The following CDH12 variants were observed in gnomAD, a reference collection of about 807,000 sequenced individuals.
CDH12 encodes cadherin 12, also known as cadherin-12.
CDH12 carries 41 observed loss-of-function variants against 74.1 expected under a neutral mutation model. The observed-to-expected ratio is 0.55, with a 90% CI of 0.43 to 0.72. The LOEUF (loss-of-function observed/expected upper bound fraction) is 0.72. Among genes scored for constraint, CDH12 ranks in the 30% least tolerant of loss-of-function variants. The pLI, the probability that CDH12 is intolerant of heterozygous loss-of-function variation, is 0.00. For synonymous variants in CDH12, 399 were observed against 355.0 expected, an observed-to-expected ratio of 1.12 and a Z score of -1.39; for missense variants, 945 against 977.2, an observed-to-expected ratio of 0.97 and a Z score of 0.44.
chr5:21,886,090 C>T (rs765195104), intron 6 of CDH12, among the ~76,000 whole-genome samples: 1 of 152,114 alleles, frequency 6.6e-6, no homozygotes, highest in Non-Finnish European at 1.5e-5. Flanking sequence ...TTCATTGCTC[C>T]ATTTACTTCT....
chr5:22,266,969 C>A (rs576720875), intron 3 of CDH12, among the ~76,000 whole-genome samples: 1 of 152,246 alleles, frequency 6.6e-6, no homozygotes, highest in Non-Finnish European at 1.5e-5. Flanking sequence ...CACTGTCCTG[C>A]ATTTTCCTTT....
intron 1 of CDH12, among the ~76,000 whole-genome samples, chr5:22,713,882 C>T (rs1743428740): frequency 6.6e-6 from 1 of 152,144 alleles, no homozygotes; most frequent in African/African-American, 2.4e-5. Flanking sequence ...AATGCTATTA[C>T]CAATGTATCA....
At chr5:22,020,453 C>T (rs999002913) in intron 5 of CDH12, among the ~76,000 whole-genome samples, 6 of 151,450 alleles carry the variant, frequency 4.0e-5, no homozygotes, top group African/African-American at 7.3e-5. Flanking sequence ...ACTCGGGGGG[C>T]TGAGGCAGGG....
chr5:21,842,094 C>G (rs963206646), intron 8 of CDH12, 67 bp downstream of exon 8: 2 of 1,147,196 alleles, frequency 1.7e-6, no homozygotes, highest in Non-Finnish European at 2.5e-6. Flanking sequence ...ATTCCCATAG[C>G]ATTCAATGAC....
At chr5:22,344,504 T>G (rs1740026862) in intron 3 of CDH12, among the ~76,000 whole-genome samples, 2 of 152,116 alleles carry the variant, frequency 1.3e-5, no homozygotes, top group African/African-American at 4.8e-5. Context: ...CAATGTATTT[T>G]GGGATTTGAA....
intron 5 of CDH12, among the ~76,000 whole-genome samples, chr5:21,991,335 C>G (rs1757740439): frequency 6.6e-6 from 1 of 151,572 alleles, no homozygotes. Context: ...CATTCTTTCT[C>G]ACAATGAACT....
intron 5 of CDH12, among the ~76,000 whole-genome samples, chr5:22,001,378 A>G (rs1412126663): frequency 6.6e-6 from 1 of 152,128 alleles, no homozygotes; most frequent in Non-Finnish European, 1.5e-5. Context: ...CCCAATTAAA[A>G]TGCTCACTCC....
chr5:22,825,275 T>C (rs1462754763), intron 1 of CDH12, among the ~76,000 whole-genome samples: 1 of 149,284 alleles, frequency 6.7e-6, no homozygotes, highest in African/African-American at 2.4e-5. Flanking sequence ...TACTTACACA[T>C]ATATAATTTT....
At chr5:21,814,088 G>A (rs554887194) in intron 9 of CDH12, among the ~76,000 whole-genome samples, 1 of 151,424 alleles carries the variant, frequency 6.6e-6, no homozygotes, top group East Asian at 2.0e-4. Context: ...CTTAGATAAT[G>A]AATTTCAGGC....
At chr5:21,822,631 AC>A (rs1748435482) in intron 8 of CDH12, among the ~76,000 whole-genome samples, 1 of 152,086 alleles carries the variant, frequency 6.6e-6, no homozygotes, top group Admixed American at 6.6e-5. Flanking sequence ...CTCAGTAATA[AC>A]AGAAACATCC....
At chr5:22,161,413 T>A (rs1435463566) in intron 4 of CDH12, among the ~76,000 whole-genome samples, 2 of 152,054 alleles carry the variant, frequency 1.3e-5, no homozygotes, top group African/African-American at 2.4e-5. Context: ...AAGAAAAATA[T>A]CTGGCTGGGC....
chr5:22,450,376 T>G lies in CDH12; in HGVS notation c.-427-45025A>C, dbSNP rs958648453. Reference sequence around the variant, plus strand: ...GAGAAATATGGATCCACCTCCTTTCTTCTAAAGTCTGTTTATTAAAAGTCT... The same window carrying G: ...GAGAAATATGGATCCACCTCCTTTCGTCTAAAGTCTGTTTATTAAAAGTCT... On this transcript the variant is annotated intron_variant, in intron 2 of 14. Coordinates refer to ENST00000382254, the MANE Select transcript of CDH12 (RefSeq NM_004061.5). 9.9e-5 allele frequency among the ~76,000 whole-genome samples: 15 copies of G among 152,072 alleles called. No homozygotes were observed. The South Asian group carries it at 1.2e-3, about 13-fold the overall frequency.
At chr5:22,252,174 A>T (rs1482354395) in intron 3 of CDH12, among the ~76,000 whole-genome samples, 1 of 152,066 alleles carries the variant, frequency 6.6e-6, no homozygotes, top group Non-Finnish European at 1.5e-5. Context: ...AACAAAATGA[A>T]ACAAAAAAAG....
rs562897688 is a variant in CDH12 at position 21,829,317 on chromosome 5, A to C, written c.815-12185T>G. On this transcript the variant is annotated intron_variant, in intron 8 of 14. Coordinates refer to ENST00000382254, the MANE Select transcript of CDH12 (RefSeq NM_004061.5). ...TTCCATTTCAAAATAAAAAACAAAA[A>C]CCAAAAACCAAAAGCAAAAACCACT... Among the ~76,000 whole-genome samples the C allele has an allele frequency of 3.3e-5, 5 of 152,108 alleles. No homozygotes were observed. In the East Asian group the frequency reaches 9.7e-4, roughly 29 times the overall value.
At chr5:21,984,276 G>T (rs1300000813) in intron 5 of CDH12, among the ~76,000 whole-genome samples, 1 of 152,096 alleles carries the variant, frequency 6.6e-6, no homozygotes, top group Non-Finnish European at 1.5e-5. Flanking sequence ...CTAATTCTTT[G>T]CAGGTTACCT....
intron 1 of CDH12, among the ~76,000 whole-genome samples, chr5:22,695,970 C>T (rs1457863422): frequency 6.6e-6 from 1 of 152,006 alleles, no homozygotes; most frequent in Non-Finnish European, 1.5e-5. Flanking sequence ...CAATCTTAAC[C>T]AACACTGGTT....
At chr5:22,691,378 G>T (rs1282538582) in intron 1 of CDH12, among the ~76,000 whole-genome samples, 1 of 152,146 alleles carries the variant, frequency 6.6e-6, no homozygotes, top group Admixed American at 6.5e-5. Context: ...GTGAGAAGTT[G>T]CTCCGCAGCT....
At position 21,751,506 on chromosome 5, in the gene CDH12, C is replaced by A. The variant is rs1744047504; in HGVS notation, c.*231G>T. On this transcript the variant is annotated 3_prime_UTR_variant, in exon 15 of 15. Transcript: ENST00000382254. ...AAAACAACAAAACAAAGCAAGTACA[C>A]ATTATAGGATGTATCTCTTGTTGGC... is the stretch of plus-strand genomic sequence containing the variant. 2.4e-5 allele frequency: 12 copies of A among 501,318 alleles called. No homozygotes were observed. The highest frequency in any genetic ancestry group is 3.9e-5 in the Non-Finnish European group (11 of 280,508). The allele number at this position is 501,318 out of a possible 1,614,324, so 31.1% of individuals were successfully genotyped here. A position where few individuals can be genotyped will look rare whatever the true frequency, so the allele number is the denominator to read the frequency against.
intron 4 of CDH12, among the ~76,000 whole-genome samples, chr5:22,211,351 A>T (rs1751526194): frequency 6.6e-6 from 1 of 152,182 alleles, no homozygotes; most frequent in Non-Finnish European, 1.5e-5. Context: ...TGATATTTTA[A>T]ATAATGTTTA....
Sources: allele counts gnomAD v4.1 joint callset (sites outside exome capture counted in the v4.1 genomes callset), GRCh38; gene constraint gnomAD v4.1.1; transcripts MANE v1.5; gene names NCBI Gene and HGNC (gene_info 2026-07-23, HGNC 2026-07-21).